SLC35F1: variants seen among roughly 807,000 people sequenced by gnomAD.
SLC35F1 encodes chromosome 6 open reading frame 169.
SLC35F1 carries 14 observed loss-of-function variants against 48.7 expected under a neutral mutation model. The observed-to-expected ratio is 0.29, with a 90% CI of 0.19 to 0.45. SLC35F1 has a LOEUF of 0.45. SLC35F1 is among the 20% of genes least tolerant of loss of function. The pLI, the probability that SLC35F1 is intolerant of heterozygous loss-of-function variation, is 1.00. For missense variants in SLC35F1, 404 were observed against 500.0 expected, an observed-to-expected ratio of 0.81 and a Z score of 1.83; for synonymous variants, 190 against 202.2, an observed-to-expected ratio of 0.94 and a Z score of 0.51.
intron 1 of SLC35F1, among the ~76,000 whole-genome samples, chr6:117,948,469 C>T (rs927688906): frequency 1.3e-5 from 2 of 152,160 alleles, no homozygotes; most frequent in South Asian, 4.2e-4. Context: ...TACTTTTCTT[C>T]TGGTGCTTGA....
At position 117,990,164 on chromosome 6, in the gene SLC35F1, A is replaced by G. The variant is rs575905164; in HGVS notation, c.173+82265A>G. ...TTATTTAAAAATTAAAAAATATTAA[A>G]GGCATCAGGTGAAGATCCTTCATTC... On this transcript the variant is annotated intron_variant, in intron 1 of 7. Transcript: ENST00000360388. 2.4e-4 allele frequency among the ~76,000 whole-genome samples: 37 copies of G among 152,290 alleles called. No individual in the cohort carries two copies. The South Asian group carries it at 7.5e-3, about 31-fold the overall frequency.
intron 2 of SLC35F1, among the ~76,000 whole-genome samples, chr6:118,163,793 A>G (rs544585706): frequency 2.0e-5 from 3 of 152,346 alleles, no homozygotes; most frequent in Non-Finnish European, 4.4e-5. Flanking sequence ...ATTCAGAGGA[A>G]TAGAGTTTAT....
intron 2 of SLC35F1, among the ~76,000 whole-genome samples, chr6:118,186,723 T>C (rs1180555404): frequency 6.6e-6 from 1 of 152,194 alleles, no homozygotes; most frequent in African/African-American, 2.4e-5. Flanking sequence ...TAAAAGTGAA[T>C]AGGACCTGTA....
At chr6:117,911,589 C>A (rs953749484) in intron 1 of SLC35F1, among the ~76,000 whole-genome samples, 1 of 151,940 alleles carries the variant, frequency 6.6e-6, no homozygotes, top group South Asian at 2.1e-4. Context: ...GTGCACACCA[C>A]CATGCCTGGC....
chr6:118,240,674 CA>C (rs1775427154), intron 3 of SLC35F1, among the ~76,000 whole-genome samples: 1 of 152,166 alleles, frequency 6.6e-6, no homozygotes, highest in South Asian at 2.1e-4. Flanking sequence ...TTTGTCAAAG[CA>C]ATCTAACCCA....
chr6:118,100,100 A>G (rs1288696698), intron 1 of SLC35F1, among the ~76,000 whole-genome samples: 1 of 152,200 alleles, frequency 6.6e-6, no homozygotes, highest in Non-Finnish European at 1.5e-5. Context: ...AAGAAACTGA[A>G]GCATAGAGAG....
intron 1 of SLC35F1, among the ~76,000 whole-genome samples, chr6:118,041,262 A>G (rs1772215566): frequency 6.6e-6 from 1 of 152,130 alleles, no homozygotes. Flanking sequence ...CTTTTCCAGT[A>G]TCTCCCTGTC....
chr6:118,289,287 A>G (rs1461649796), intron 7 of SLC35F1, among the ~76,000 whole-genome samples: 1 of 152,222 alleles, frequency 6.6e-6, no homozygotes, highest in Admixed American at 6.6e-5. Flanking sequence ...TGACTATTAC[A>G]AATAAATCTG....
chr6:118,073,556 G>T (rs1772772695), intron 1 of SLC35F1, among the ~76,000 whole-genome samples: 1 of 152,110 alleles, frequency 6.6e-6, no homozygotes, highest in Non-Finnish European at 1.5e-5. Flanking sequence ...AAGAAACAAA[G>T]AACAAATAAA....
At chr6:118,304,736 G>A (rs1224683773) in intron 7 of SLC35F1, among the ~76,000 whole-genome samples, 2 of 151,858 alleles carry the variant, frequency 1.3e-5, no homozygotes, top group African/African-American at 2.4e-5. Context: ...CATCTCATTC[G>A]ATGCTCACAA....
Position 118,235,371 on chromosome 6 carries a change from CGTTG to C in SLC35F1, c.350-137_350-134del, listed in dbSNP as rs1452254468. 4.9e-5 allele frequency: 43 copies of C among 880,926 alleles called. No homozygotes were observed. In the African/African-American group the frequency reaches 5.9e-4, roughly 12 times the overall value. 54.6% of individuals were successfully genotyped at this position (880,926 alleles called of 1,614,324 possible). ...AATAAAAACATGTGGGTATCTGATA[CGTTG>C]ATTTATTTGTTTAAATATTTGGTAA... is the stretch of plus-strand genomic sequence containing the variant. On this transcript the variant is annotated intron_variant, in intron 2 of 7. Transcript: ENST00000360388.
At chr6:118,037,097 T>C (rs1294522987) in intron 1 of SLC35F1, among the ~76,000 whole-genome samples, 2 of 152,240 alleles carry the variant, frequency 1.3e-5, no homozygotes, top group Non-Finnish European at 2.9e-5. Context: ...AAATATATTT[T>C]ATCTGATATT....
intron 1 of SLC35F1, among the ~76,000 whole-genome samples, chr6:117,959,414 G>A (rs1040311457): frequency 6.6e-6 from 1 of 152,168 alleles, no homozygotes; most frequent in Admixed American, 6.5e-5. Flanking sequence ...TTATGAGTGA[G>A]ACTTCCATGT....
chr6:118,206,785 G>C (rs1484048758), intron 2 of SLC35F1, among the ~76,000 whole-genome samples: 2 of 152,086 alleles, frequency 1.3e-5, no homozygotes, highest in African/African-American at 4.8e-5. Context: ...GGAACCAAGA[G>C]ACAAATTGAA....
intron 1 of SLC35F1, among the ~76,000 whole-genome samples, chr6:118,135,691 A>AG (rs1773783682): frequency 6.6e-6 from 1 of 152,206 alleles, no homozygotes; most frequent in African/African-American, 2.4e-5. Flanking sequence ...CTGCCCAGAG[A>AG]GTGAAGGGAG....
chr6:117,956,497 G>T (rs1431981841), intron 1 of SLC35F1, among the ~76,000 whole-genome samples: 1 of 152,220 alleles, frequency 6.6e-6, no homozygotes, highest in African/African-American at 2.4e-5. Context: ...TTCAATGAGT[G>T]CTGCTTTACT....
intron 1 of SLC35F1, among the ~76,000 whole-genome samples, chr6:117,949,718 T>C (rs1582580723): frequency 6.6e-6 from 1 of 152,192 alleles, no homozygotes; most frequent in South Asian, 2.1e-4. Context: ...AAGTTTTTGG[T>C]TCATAACCTA....
intron 1 of SLC35F1, among the ~76,000 whole-genome samples, chr6:117,934,338 G>T (rs1776138273): frequency 6.6e-6 from 1 of 152,138 alleles, no homozygotes; most frequent in Non-Finnish European, 1.5e-5. Flanking sequence ...CTAATGGAAG[G>T]TGTTTTTAGC....
intron 2 of SLC35F1, among the ~76,000 whole-genome samples, chr6:118,218,798 A>G (rs544502549): frequency 6.6e-6 from 1 of 152,316 alleles, no homozygotes; most frequent in South Asian, 2.1e-4. Context: ...CTGGAAATGT[A>G]TTGGTAAACT....
Sources: allele counts gnomAD v4.1 joint callset (sites outside exome capture counted in the v4.1 genomes callset), GRCh38; gene constraint gnomAD v4.1.1; transcripts MANE v1.5; gene names NCBI Gene and HGNC (gene_info 2026-07-23, HGNC 2026-07-21).